Variants in RARB observed in about 807,000 individuals in gnomAD.
The protein encoded by RARB is HBV-activated protein.
Under a neutral mutation model 51.9 loss-of-function variants are expected in RARB, and 17 were observed. The observed-to-expected ratio is 0.33, with a 90% CI of 0.22 to 0.49. The LOEUF is 0.49. Ranked by LOEUF, RARB falls within the 20% of genes least tolerant of loss-of-function variation. RARB has a pLI of 0.99. For missense variants in RARB, 369 were observed against 550.8 expected, an observed-to-expected ratio of 0.67 and a Z score of 3.30; for synonymous variants, 215 against 195.4, an observed-to-expected ratio of 1.10 and a Z score of -0.84.
chr3:25,323,738 A>G (rs1344273830), intron 5 of RARB, among the ~76,000 whole-genome samples: 1 of 152,214 alleles, frequency 6.6e-6, no homozygotes, highest in Non-Finnish European at 1.5e-5. Flanking sequence ...ACGAAGATGA[A>G]GAGCTGGAGA....
At chr3:25,194,954 C>T (rs1264632059) in intron 5 of RARB, among the ~76,000 whole-genome samples, 1 of 151,884 alleles carries the variant, frequency 6.6e-6, no homozygotes, top group Non-Finnish European at 1.5e-5. Flanking sequence ...CTAATTCATA[C>T]TAAAGAGTAA....
At chr3:25,348,301 A>T (rs907179250) in intron 5 of RARB, among the ~76,000 whole-genome samples, 10 of 152,156 alleles carry the variant, frequency 6.6e-5, no homozygotes, top group African/African-American at 1.2e-4. Context: ...TAGATATTTT[A>T]AATTTTATTA....
At chr3:25,047,722 C>A (rs1418599790) in intron 2 of RARB, among the ~76,000 whole-genome samples, 1 of 152,156 alleles carries the variant, frequency 6.6e-6, no homozygotes, top group Non-Finnish European at 1.5e-5. Flanking sequence ...CAAATTTGAA[C>A]CTAAGTCCTT....
At chr3:24,876,463 A>T (rs1703044226) in intron 2 of RARB, among the ~76,000 whole-genome samples, 1 of 152,158 alleles carries the variant, frequency 6.6e-6, no homozygotes, top group South Asian at 2.1e-4. Context: ...ATAAGTTATA[A>T]TAATGGCTTG....
At chr3:25,537,334 A>G (rs931579282) in intron 3 of RARB, among the ~76,000 whole-genome samples, 41 of 152,194 alleles carry the variant, frequency 2.7e-4, no homozygotes, top group African/African-American at 9.2e-4. Context: ...CTTCAACTGT[A>G]TATAGTTCTT....
intron 3 of RARB, among the ~76,000 whole-genome samples, chr3:25,060,945 C>A (rs576596378): frequency 1.3e-3 from 201 of 151,964 alleles, no homozygotes; most frequent in Non-Finnish European, 2.6e-3. Flanking sequence ...ACAGATGAAG[C>A]ATTTGTGTAA....
intron 2 of RARB, among the ~76,000 whole-genome samples, chr3:24,875,145 A>G (rs936809415): frequency 4.6e-5 from 7 of 152,204 alleles, no homozygotes; most frequent in Middle Eastern, 3.4e-3. Flanking sequence ...ATTTACATAC[A>G]AGTCCTTTTG....
intron 5 of RARB, among the ~76,000 whole-genome samples, chr3:25,400,998 A>G (rs997688536): frequency 2.0e-5 from 3 of 152,120 alleles, no homozygotes; most frequent in Non-Finnish European, 4.4e-5. Context: ...GAAATGCAAA[A>G]CTCATGCCCC....
chr3:25,217,412 A>G (rs1253280375), intron 5 of RARB, among the ~76,000 whole-genome samples: 3 of 152,180 alleles, frequency 2.0e-5, no homozygotes, highest in Admixed American at 6.5e-5. Context: ...TTATGGTTAC[A>G]TTATAGCCAA....
rs958502420 is a variant in RARB, at chr3:25,114,713, A to G, written c.-327-17448A>G. 4.6e-5 allele frequency among the ~76,000 whole-genome samples: 7 copies of G among 152,304 alleles called. 1 individual carries two copies. Among genetic ancestry groups the G allele is most frequent in the South Asian group, 4.1e-4 (2 of 4,828 alleles). On this transcript the variant is annotated intron_variant, in intron 3 of 11. Coordinates refer to the RARB transcript ENST00000383772. The stretch of plus-strand genomic sequence containing the variant: ...AACCATGTAAGGATCCTTGGAGGAA[A>G]GAAGATTAGGTTGCTGTCGGAACAC...
chr3:24,981,148 C>T (rs1055508152), intron 2 of RARB, among the ~76,000 whole-genome samples: 4 of 152,128 alleles, frequency 2.6e-5, no homozygotes, highest in African/African-American at 2.4e-5. Context: ...AAGCTTCGTC[C>T]CAGAGAGGGA....
intron 1 of RARB, among the ~76,000 whole-genome samples, chr3:25,444,126 C>A (rs965831954): frequency 6.6e-6 from 1 of 152,148 alleles, no homozygotes; most frequent in African/African-American, 2.4e-5. Context: ...TGAACCATGT[C>A]ATCTAGTCCT....
At chr3:25,394,399 A>G (rs1003329766) in intron 5 of RARB, among the ~76,000 whole-genome samples, 6 of 152,156 alleles carry the variant, frequency 3.9e-5, no homozygotes, top group African/African-American at 1.4e-4. Context: ...TGTTCAGTAA[A>G]TATCTGTTAA....
intron 2 of RARB, among the ~76,000 whole-genome samples, chr3:24,930,119 A>G (rs953920556): frequency 3.3e-5 from 5 of 152,084 alleles, no homozygotes; most frequent in African/African-American, 1.2e-4. Flanking sequence ...TCATACTGCC[A>G]AAAAACATTC....
At chr3:25,515,449 C>T (rs1340395743) in intron 3 of RARB, among the ~76,000 whole-genome samples, 1 of 151,904 alleles carries the variant, frequency 6.6e-6, no homozygotes, top group Non-Finnish European at 1.5e-5. Flanking sequence ...GAATATGGAC[C>T]CACCCAAAGA....
chr3:25,414,286 T>C (rs779727637), intron 5 of RARB, among the ~76,000 whole-genome samples: 3 of 152,262 alleles, frequency 2.0e-5, no homozygotes, highest in Non-Finnish European at 4.4e-5. Context: ...CTTTCCATTG[T>C]ATGGATATAC....
chr3:25,058,627 A>G (rs1024815025), intron 2 of RARB, among the ~76,000 whole-genome samples: 1 of 151,848 alleles, frequency 6.6e-6, no homozygotes, highest in South Asian at 2.1e-4. Flanking sequence ...AAGACACAGA[A>G]TAAGAGGGGC....
At chr3:25,078,629 C>T (rs1246361882) in intron 3 of RARB, among the ~76,000 whole-genome samples, 1 of 151,920 alleles carries the variant, frequency 6.6e-6, no homozygotes, top group Non-Finnish European at 1.5e-5. Flanking sequence ...CTCCACCTCC[C>T]ATGTTCAAGC....
Position 25,038,279 on chromosome 3 carries a change from A to T in RARB, c.-379-21846A>T, listed in dbSNP as rs769820709. Among the ~76,000 whole-genome samples the T allele has an allele frequency of 7.2e-5, 11 of 152,202 alleles. 1 individual carries two copies. Among genetic ancestry groups the T allele is most frequent in the Non-Finnish European group, 1.5e-4 (10 of 68,032 alleles). On this transcript the variant is annotated intron_variant, in intron 2 of 11. Coordinates refer to the RARB transcript ENST00000383772. Reference sequence around the variant, plus strand: ...TTCATGTAAAAATGAAGTTGTGTATAACATATAAATCATAATATGTAATGA... The same window carrying T: ...TTCATGTAAAAATGAAGTTGTGTATTACATATAAATCATAATATGTAATGA...
Sources: gnomAD v4.1 joint callset for allele counts (sites outside exome capture counted in the v4.1 genomes callset) on GRCh38, gnomAD v4.1.1 for gene constraint, MANE v1.5 for transcripts, NCBI Gene and HGNC (gene_info 2026-07-23, HGNC 2026-07-21) for gene names.